Variants in EHBP1 observed in about 807,000 individuals in gnomAD.
EHBP1 encodes EH domain binding protein 1.
In EHBP1, 55 loss-of-function variants were observed where a neutral mutation model predicts 144.0. That is an observed-to-expected ratio of 0.38 (90% CI 0.31 to 0.48). The LOEUF (loss-of-function observed/expected upper bound fraction) is 0.48, where lower values mean the gene tolerates loss of function less well. Among genes scored for constraint, EHBP1 ranks in the 20% least tolerant of loss-of-function variants. The pLI is 0.98. For synonymous variants in EHBP1, 469 were observed against 472.7 expected, an observed-to-expected ratio of 0.99 and a Z score of 0.10; for missense variants, 1,200 against 1,364.2, an observed-to-expected ratio of 0.88 and a Z score of 1.90.
chr2:62,829,895 T>A (rs950011072), intron 6 of EHBP1, among the ~76,000 whole-genome samples: 1 of 150,572 alleles, frequency 6.6e-6, no homozygotes, highest in Non-Finnish European at 1.5e-5. Context: ...CTGGTGAGAA[T>A]GTAAACTGGT....
chr2:62,840,738 A>T (rs1049464879), intron 7 of EHBP1, among the ~76,000 whole-genome samples: 5 of 151,720 alleles, frequency 3.3e-5, no homozygotes, highest in South Asian at 2.1e-4. Flanking sequence ...CACATGAAAA[A>T]ATGCTCATCA....
intron 10 of EHBP1, among the ~76,000 whole-genome samples, chr2:62,936,248 G>C (rs1433962753): frequency 6.6e-6 from 1 of 151,972 alleles, no homozygotes; most frequent in Non-Finnish European, 1.5e-5. Context: ...TTTGTGAGAA[G>C]GTTTTTAATT....
intron 16 of EHBP1, among the ~76,000 whole-genome samples, chr2:62,991,243 T>TAA (rs548024211): frequency 8.5e-5 from 10 of 117,200 alleles, no homozygotes; most frequent in Admixed American, 3.6e-4. Context: ...AGACCTTGTC[T>TAA]AAAAAAAAAA....
chr2:62,947,161 G>A (rs531432126), intron 12 of EHBP1, among the ~76,000 whole-genome samples: 1 of 152,240 alleles, frequency 6.6e-6, no homozygotes, highest in Admixed American at 6.5e-5. Context: ...ATTCTCTCTA[G>A]TAAATATTTT....
At chr2:62,983,878 T>G (rs918155655) in intron 15 of EHBP1, among the ~76,000 whole-genome samples, 2 of 152,242 alleles carry the variant, frequency 1.3e-5, no homozygotes, top group Non-Finnish European at 2.9e-5. Context: ...TAGTATATTT[T>G]GTTTTGCATT....
intron 10 of EHBP1, among the ~76,000 whole-genome samples, chr2:62,898,837 TAGAG>T (rs2053163137): frequency 1.3e-5 from 2 of 152,156 alleles, no homozygotes; most frequent in African/African-American, 4.8e-5. Flanking sequence ...CGGCCTTTAA[TAGAG>T]AAAGAGAATG....
At chr2:62,980,852 CGT>C (rs1430938255) in intron 15 of EHBP1, among the ~76,000 whole-genome samples, 3 of 147,148 alleles carry the variant, frequency 2.0e-5, no homozygotes, top group Non-Finnish European at 4.5e-5. Flanking sequence ...TTTTTTTTCA[CGT>C]GTCTTTTTTT....
chr2:62,953,585 T>A (rs564267602), intron 13 of EHBP1, among the ~76,000 whole-genome samples: 1 of 151,800 alleles, frequency 6.6e-6, no homozygotes, highest in Non-Finnish European at 1.5e-5. Context: ...AATAAAAAAA[T>A]TATGTTTAAA....
intron 7 of EHBP1, among the ~76,000 whole-genome samples, chr2:62,857,402 A>G (rs2049145570): frequency 6.6e-6 from 1 of 152,200 alleles, no homozygotes. Context: ...TATTTGTTCA[A>G]TACATGAATA....
chr2:62,880,735 T>C (rs1262793090), intron 10 of EHBP1, among the ~76,000 whole-genome samples: 2 of 152,098 alleles, frequency 1.3e-5, no homozygotes, highest in Non-Finnish European at 2.9e-5. Context: ...ATGGCTATCA[T>C]TAAAAAGTCA....
intron 2 of EHBP1, among the ~76,000 whole-genome samples, chr2:62,722,257 G>A (rs1402499328): frequency 2.6e-5 from 4 of 151,640 alleles, no homozygotes; most frequent in African/African-American, 9.7e-5. Context: ...TCGGCCTCCC[G>A]AGTAGCTGGA....
intron 1 of EHBP1, among the ~76,000 whole-genome samples, chr2:62,683,461 C>T (rs2033602617): frequency 1.3e-5 from 2 of 151,820 alleles, no homozygotes; most frequent in African/African-American, 4.8e-5. Context: ...AGATCGAGAC[C>T]ATCCTGGCTA....
chr2:62,943,212 A>C (rs926457986), intron 11 of EHBP1, among the ~76,000 whole-genome samples: 2 of 152,074 alleles, frequency 1.3e-5, no homozygotes, highest in African/African-American at 4.8e-5. Context: ...CACCGTCTCT[A>C]CTAAAAATAC....
intron 15 of EHBP1, among the ~76,000 whole-genome samples, chr2:62,982,790 C>T (rs771560956): frequency 2.0e-5 from 3 of 152,114 alleles, no homozygotes; most frequent in African/African-American, 4.8e-5. Context: ...AACTCACCTG[C>T]GAAAGCCTAC....
At chr2:63,044,744 T>C (rs2061864061) in intron 21 of EHBP1, 1 of 196,660 alleles carries the variant, frequency 5.1e-6, no homozygotes, top group African/African-American at 2.3e-5. Flanking sequence ...TGGGCCAACC[T>C]CTTCTGGGCC....
At chr2:62,850,636 G>A (rs551513978) in intron 7 of EHBP1, among the ~76,000 whole-genome samples, 3 of 152,022 alleles carry the variant, frequency 2.0e-5, no homozygotes, top group South Asian at 2.1e-4. Flanking sequence ...TTTTCCAAAC[G>A]TTTTCAATTT....
In EHBP1 at chr2:62,948,752, A is replaced by G. The variant is rs2057212518; in HGVS notation, c.1906A>G (p.Ile636Val). 2 of 1,614,142 alleles carry G rather than the reference A, an allele frequency of 1.2e-6. No homozygotes were observed. Among genetic ancestry groups the G allele is most frequent in the Non-Finnish European group, 1.7e-6 (2 of 1,180,004 alleles). Reference protein sequence around the residue: ...GRTSGSDDPGICSNTDSTQAQ... With the variant: ...GRTSGSDDPGVCSNTDSTQAQ... ...GACTTCAGGATCTGATGACCCTGGA[A>G]TATGTTCCAATACAGATTCAACCCA... Residue 636 changes from isoleucine to valine, a missense_variant, in exon 13 of 23, where the codon ATA (isoleucine) becomes GTA (valine). Around this residue, in one of 6 missense-constraint regions of EHBP1, gnomAD observed 543 missense variants for 513.1 expected, o/e 1.06. Coordinates refer to ENST00000431489, the MANE Select transcript of EHBP1 (RefSeq NM_001142616.3).
intron 3 of EHBP1, among the ~76,000 whole-genome samples, chr2:62,751,654 A>G (rs1481199910): frequency 6.6e-6 from 1 of 152,138 alleles, no homozygotes; most frequent in Non-Finnish European, 1.5e-5. Context: ...TATTGCCTCA[A>G]TTTCAGAGCC....
At chr2:63,001,704 A>G (rs2059857139) in intron 19 of EHBP1, among the ~76,000 whole-genome samples, 1 of 152,140 alleles carries the variant, frequency 6.6e-6, no homozygotes, top group Non-Finnish European at 1.5e-5. Context: ...AGGCCTAGAG[A>G]CAGAAGTAAC....
Sources: gnomAD v4.1 joint callset for allele counts (sites outside exome capture counted in the v4.1 genomes callset) on GRCh38, gnomAD v4.1.1 for gene constraint, gnomAD v4.1.1 regional missense constraint, MANE v1.5 for transcripts, NCBI Gene and HGNC (gene_info 2026-07-23, HGNC 2026-07-21) for gene names.